NRXN3: variants seen among roughly 807,000 people sequenced by gnomAD.
The protein encoded by NRXN3 is neurexin 3.
Under a neutral mutation model 137.6 loss-of-function variants are expected in NRXN3, and 32 were observed. That is an observed-to-expected ratio of 0.23 (90% CI 0.18 to 0.31). The LOEUF (loss-of-function observed/expected upper bound fraction) is 0.31, where lower values mean the gene tolerates loss of function less well. NRXN3 is among the 10% of genes least tolerant of loss of function. The pLI, the probability that NRXN3 is intolerant of heterozygous loss-of-function variation, is 1.00. For synonymous variants in NRXN3, 798 were observed against 784.5 expected, an observed-to-expected ratio of 1.02 and a Z score of -0.29; for missense variants, 1,574 against 2,062.5, an observed-to-expected ratio of 0.76 and a Z score of 4.59.
intron 15 of NRXN3, among the ~76,000 whole-genome samples, chr14:79,162,146 TTTATTA>T (rs768415849): frequency 6.6e-6 from 1 of 151,578 alleles, no homozygotes; most frequent in African/African-American, 2.4e-5. Flanking sequence ...TTTTTTTTAA[TTTATTA>T]TTATTATACT....
At chr14:79,603,481 T>A (rs2097954066) in intron 16 of NRXN3, among the ~76,000 whole-genome samples, 1 of 152,240 alleles carries the variant, frequency 6.6e-6, no homozygotes, top group Non-Finnish European at 1.5e-5. Flanking sequence ...GATTGTCTAA[T>A]GCCTTCTGCA....
At chr14:79,416,570 A>G (rs2197992) in intron 15 of NRXN3, among the ~76,000 whole-genome samples, 115,665 of 151,774 alleles carry the variant, frequency 0.76, 44,345 homozygotes, top group Middle Eastern at 0.87. Flanking sequence ...CAATTGCTAT[A>G]TTTTAGGTTC....
At chr14:78,467,998 A>G (rs2095162395) in intron 4 of NRXN3, among the ~76,000 whole-genome samples, 1 of 152,026 alleles carries the variant, frequency 6.6e-6, no homozygotes, top group Non-Finnish European at 1.5e-5. Context: ...ATCTTGGCTC[A>G]CTGCAACCTC....
chr14:79,082,967 C>T (rs1430989802), intron 15 of NRXN3, among the ~76,000 whole-genome samples: 1 of 152,190 alleles, frequency 6.6e-6, no homozygotes, highest in Non-Finnish European at 1.5e-5. Context: ...TGCTACACTA[C>T]ACCATTGCCA....
intron 16 of NRXN3, among the ~76,000 whole-genome samples, chr14:79,579,438 C>G (rs369679210): frequency 1.4e-4 from 21 of 150,604 alleles, no homozygotes; most frequent in Non-Finnish European, 1.8e-4. Flanking sequence ...TGGAACATTA[C>G]AAACTTACTC....
chr14:79,293,731 GAGAGCAGCTCCCACTCC>G (rs2083561047), intron 15 of NRXN3, among the ~76,000 whole-genome samples: 1 of 152,242 alleles, frequency 6.6e-6, no homozygotes, highest in African/African-American at 2.4e-5. Flanking sequence ...TTACCATCCA[GAGAGCAGCTCCCACTCC>G]GTGTCAGGCA....
chr14:79,358,763 C>T (rs61993073), intron 15 of NRXN3, among the ~76,000 whole-genome samples: 12,939 of 152,018 alleles, frequency 0.085, 816 homozygotes, highest in Middle Eastern at 0.16. Flanking sequence ...CAAAGCCCTC[C>T]CCCTATTCTC....
intron 16 of NRXN3, among the ~76,000 whole-genome samples, chr14:79,635,838 C>G (rs2098399682): frequency 6.6e-6 from 1 of 152,126 alleles, no homozygotes; most frequent in South Asian, 2.1e-4. Flanking sequence ...GGGAAGCAAA[C>G]ACATCCTTCT....
At chr14:79,513,979 C>T (rs1396704844) in intron 16 of NRXN3, among the ~76,000 whole-genome samples, 1 of 151,982 alleles carries the variant, frequency 6.6e-6, no homozygotes, top group Non-Finnish European at 1.5e-5. Flanking sequence ...AATCGTAAAG[C>T]AATATATAGA....
rs867735718 is a variant in NRXN3 at position 79,377,954 on chromosome 14, A to G, written c.3263-89267A>G. Among the ~76,000 whole-genome samples, 25 of 152,340 alleles carry G rather than the reference A, an allele frequency of 1.6e-4. 1 individual carries two copies. The highest frequency in any genetic ancestry group is 6.5e-4 in the Admixed American group (10 of 15,298). On this transcript the variant is annotated intron_variant, in intron 15 of 20. Coordinates refer to ENST00000335750, the MANE Select transcript of NRXN3 (RefSeq NM_001330195.2). ...TGAAATGTGGCATTGGTACAATGAC[A>G]TATTAGTTATACTCTTACAAGTTGT...
intron 1 of NRXN3, among the ~76,000 whole-genome samples, chr14:78,187,874 A>G (rs1413471574): frequency 6.6e-6 from 1 of 151,014 alleles, no homozygotes; most frequent in East Asian, 1.9e-4. Context: ...GGAATATGCT[A>G]GAAGCTTTCA....
intron 19 of NRXN3, among the ~76,000 whole-genome samples, chr14:79,728,693 C>A (rs982765178): frequency 6.6e-6 from 1 of 152,210 alleles, no homozygotes; most frequent in Non-Finnish European, 1.5e-5. Context: ...GATTTCCTTT[C>A]AAATGGCTGC....
chr14:78,623,429 A>G (rs1165920737), intron 4 of NRXN3, among the ~76,000 whole-genome samples: 1 of 152,190 alleles, frequency 6.6e-6, no homozygotes, highest in Non-Finnish European at 1.5e-5. Flanking sequence ...AACATGTTTT[A>G]GCTTCCATCA....
At chr14:78,599,203 G>A (rs1419527975) in intron 4 of NRXN3, among the ~76,000 whole-genome samples, 2 of 152,192 alleles carry the variant, frequency 1.3e-5, no homozygotes, top group African/African-American at 4.8e-5. Flanking sequence ...CCTCTTCCAA[G>A]AGTTTAACTC....
intron 15 of NRXN3, among the ~76,000 whole-genome samples, chr14:79,259,235 T>C (rs944468155): frequency 2.0e-5 from 3 of 152,184 alleles, no homozygotes; most frequent in Non-Finnish European, 2.9e-5. Context: ...TGATGTTAAA[T>C]AAAGAACATT....
chr14:79,715,014 C>A (rs113798463), intron 19 of NRXN3, among the ~76,000 whole-genome samples: 1 of 151,962 alleles, frequency 6.6e-6, no homozygotes, highest in Non-Finnish European at 1.5e-5. Context: ...AGGGCAGTGG[C>A]GTGATCGGGG....
At chr14:78,462,780 C>A (rs1362798954) in intron 4 of NRXN3, among the ~76,000 whole-genome samples, 1 of 152,132 alleles carries the variant, frequency 6.6e-6, no homozygotes, top group African/African-American at 2.4e-5. Context: ...ATGACAATGA[C>A]CTTGTAATTT....
chr14:78,182,188 G>A (rs2059866876), intron 1 of NRXN3, among the ~76,000 whole-genome samples: 1 of 152,266 alleles, frequency 6.6e-6, no homozygotes, highest in East Asian at 1.9e-4. Flanking sequence ...GGCTTCACAA[G>A]TATCACCTCA....
At chr14:79,223,251 A>G (rs144396207) in intron 15 of NRXN3, among the ~76,000 whole-genome samples, 14 of 152,240 alleles carry the variant, frequency 9.2e-5, no homozygotes, top group Admixed American at 3.3e-4. Flanking sequence ...GAAGCCAAAT[A>G]TGTAAAGAGT....
Sources: gnomAD v4.1 joint callset for allele counts (sites outside exome capture counted in the v4.1 genomes callset) on GRCh38, gnomAD v4.1.1 for gene constraint, MANE v1.5 for transcripts, NCBI Gene and HGNC (gene_info 2026-07-23, HGNC 2026-07-21) for gene names.